The following BABAM2 variants were observed in gnomAD, a reference collection of about 807,000 sequenced individuals.
The protein encoded by BABAM2 is BRISC and BRCA1 A complex member 2, also known as BRISC and BRCA1-A complex member 2.
Under a neutral mutation model 54.7 loss-of-function variants are expected in BABAM2, and 31 were observed. That is an observed-to-expected ratio of 0.57 (90% CI 0.43 to 0.77). The LOEUF (loss-of-function observed/expected upper bound fraction) is 0.77. Among genes scored for constraint, BABAM2 ranks in the 30% least tolerant of loss-of-function variants. BABAM2 has a pLI of 0.00. For synonymous variants in BABAM2, 167 were observed against 162.9 expected, an observed-to-expected ratio of 1.03 and a Z score of -0.19; for missense variants, 364 against 455.8, an observed-to-expected ratio of 0.80 and a Z score of 1.83.
chr2:28,297,467 GA>G (rs1468773145), intron 10 of BABAM2, among the ~76,000 whole-genome samples: 1 of 152,088 alleles, frequency 6.6e-6, no homozygotes. Flanking sequence ...ATGTGTTATT[GA>G]AACAGTCTGT....
At chr2:28,262,734 C>G (rs1391839297) in intron 10 of BABAM2, among the ~76,000 whole-genome samples, 1 of 152,032 alleles carries the variant, frequency 6.6e-6, no homozygotes, top group Non-Finnish European at 1.5e-5. Context: ...AGAGAACATT[C>G]ACATAGAACA....
At chr2:28,053,920 T>C (rs1432123195) in intron 6 of BABAM2, among the ~76,000 whole-genome samples, 3 of 152,184 alleles carry the variant, frequency 2.0e-5, no homozygotes, top group African/African-American at 7.2e-5. Context: ...ATATGCTAAT[T>C]ACCCTGATCT....
At chr2:28,241,737 C>T (rs953888120) in intron 9 of BABAM2, among the ~76,000 whole-genome samples, 3 of 152,128 alleles carry the variant, frequency 2.0e-5, no homozygotes, top group Non-Finnish European at 4.4e-5. Flanking sequence ...TTGTGATCCG[C>T]CCACCTTGGC....
chr2:28,060,890 A>ATCAGT (rs1018873052), intron 6 of BABAM2, among the ~76,000 whole-genome samples: 10 of 152,242 alleles, frequency 6.6e-5, no homozygotes, highest in South Asian at 2.1e-4. Flanking sequence ...CTCGTAAGAT[A>ATCAGT]TCAGTTCTTC....
intron 10 of BABAM2, among the ~76,000 whole-genome samples, chr2:28,248,207 C>CTTTTTCTTTTTCTT (rs1553349503): frequency 5.5e-5 from 3 of 54,306 alleles, no homozygotes; most frequent in Non-Finnish European, 1.1e-4. Flanking sequence ...TTTTCTTTTT[C>CTTTTTCTTTTTCTT]TTTTTTTTTT....
At chr2:28,230,581 A>G (rs968704503) in intron 7 of BABAM2, among the ~76,000 whole-genome samples, 1 of 149,978 alleles carries the variant, frequency 6.7e-6, no homozygotes, top group Non-Finnish European at 1.5e-5. Flanking sequence ...AAAATTAGCC[A>G]GGCATGTTGG....
chr2:28,172,990 C>T (rs1007277353), intron 7 of BABAM2, among the ~76,000 whole-genome samples: 2 of 152,176 alleles, frequency 1.3e-5, no homozygotes, highest in Non-Finnish European at 2.9e-5. Flanking sequence ...GCAGCCTTCT[C>T]GCCGTGTCCT....
In BABAM2 at chr2:28,115,882, A is replaced by T. The variant is rs529192563; in HGVS notation, c.571-13389A>T. On this transcript the variant is annotated intron_variant, in intron 6 of 11. Transcript: ENST00000379624. ...GTAATCCCAGCACTTTGGGATGCCG[A>T]GGTGGGTGGATCACCTGAGGTCGGG... Among the ~76,000 whole-genome samples, 5 of 152,120 alleles carry T rather than the reference A, an allele frequency of 3.3e-5. No homozygotes were observed. In the East Asian group the frequency reaches 5.8e-4, roughly 18 times the overall value.
intron 6 of BABAM2, among the ~76,000 whole-genome samples, chr2:28,121,980 C>T (rs984852659): frequency 4.6e-5 from 7 of 151,976 alleles, no homozygotes; most frequent in African/African-American, 1.2e-4. Context: ...TTTGGGAGGC[C>T]GAGGTGGGTG....
intron 5 of BABAM2, 64 bp downstream of exon 5, chr2:28,025,484 G>C: frequency 2.1e-6 from 3 of 1,401,662 alleles, no homozygotes; most frequent in Non-Finnish European, 2.9e-6. Flanking sequence ...CAATTCATAT[G>C]TCCATTTGTA....
chr2:27,911,473 C>T (rs1313806433), intron 2 of BABAM2, among the ~76,000 whole-genome samples: 2 of 151,322 alleles, frequency 1.3e-5, no homozygotes, highest in Non-Finnish European at 2.9e-5. Flanking sequence ...AGAGAAAGGA[C>T]AATAAGGTAG....
chr2:27,919,510 G>T (rs992227955), intron 2 of BABAM2, among the ~76,000 whole-genome samples: 2 of 152,108 alleles, frequency 1.3e-5, no homozygotes, highest in African/African-American at 4.8e-5. Context: ...ATCACATTAA[G>T]GAAGTTCCCT....
intron 5 of BABAM2, among the ~76,000 whole-genome samples, chr2:28,038,968 C>T (rs766916701): frequency 3.3e-5 from 5 of 152,204 alleles, no homozygotes; most frequent in Non-Finnish European, 7.3e-5. Flanking sequence ...AAACTGCTTT[C>T]CACCTGCCTG....
intron 3 of BABAM2, among the ~76,000 whole-genome samples, chr2:27,976,420 A>G (rs1671608626): frequency 6.6e-6 from 1 of 152,128 alleles, no homozygotes; most frequent in African/African-American, 2.4e-5. Context: ...TTGAGTCTCA[A>G]ATGCCTTATG....
chr2:28,028,401 C>T (rs1238505142), intron 5 of BABAM2, among the ~76,000 whole-genome samples: 9 of 152,098 alleles, frequency 5.9e-5, no homozygotes, highest in Admixed American at 2.0e-4. Context: ...CTACACCCCC[C>T]GCCCCTCCCC....
chr2:28,009,793 C>G (rs942793522), intron 4 of BABAM2, among the ~76,000 whole-genome samples: 1 of 152,100 alleles, frequency 6.6e-6, no homozygotes, highest in African/African-American at 2.4e-5. Context: ...CCATGGCTGC[C>G]TTCTGGGGAC....
At chr2:28,106,621 ATGCCTTCTCTCAAG>A (rs1332921545) in intron 6 of BABAM2, among the ~76,000 whole-genome samples, 29 of 152,280 alleles carry the variant, frequency 1.9e-4, no homozygotes, top group African/African-American at 6.3e-4. Context: ...ATATATTTTC[ATGCCTTCTCTCAAG>A]TGGCAGAGGA....
chr2:27,893,348 G>A (rs1387713279), intron 1 of BABAM2, among the ~76,000 whole-genome samples: 2 of 152,202 alleles, frequency 1.3e-5, no homozygotes, highest in East Asian at 1.9e-4. Context: ...GTGCCTTAAA[G>A]TCAAATACCT....
intron 3 of BABAM2, among the ~76,000 whole-genome samples, chr2:27,952,273 G>A (rs1669788781): frequency 6.6e-6 from 1 of 152,190 alleles, no homozygotes; most frequent in South Asian, 2.1e-4. Flanking sequence ...CAATTGGGAT[G>A]TTTAGACCAT....
Sources: gnomAD v4.1 joint callset for allele counts (sites outside exome capture counted in the v4.1 genomes callset) on GRCh38, gnomAD v4.1.1 for gene constraint, MANE v1.5 for transcripts, NCBI Gene and HGNC (gene_info 2026-07-23, HGNC 2026-07-21) for gene names.